Variants in ORC2 observed in about 807,000 individuals in gnomAD.
ORC2 encodes origin recognition complex subunit 2.
ORC2 carries 37 observed loss-of-function variants against 77.7 expected under a neutral mutation model. The observed-to-expected ratio is 0.48, with a 90% CI of 0.37 to 0.63. The LOEUF (loss-of-function observed/expected upper bound fraction) is 0.63. Among genes scored for constraint, ORC2 ranks in the 20% least tolerant of loss-of-function variants. The pLI, the probability that ORC2 is intolerant of heterozygous loss-of-function variation, is 0.00. For synonymous variants in ORC2, 201 were observed against 229.5 expected, an observed-to-expected ratio of 0.88 and a Z score of 1.12; for missense variants, 557 against 661.9, an observed-to-expected ratio of 0.84 and a Z score of 1.74.
chr2:200,957,343 C>T, intron 4 of ORC2, 58 bp downstream of exon 4: 1 of 1,360,680 alleles, frequency 7.3e-7, no homozygotes, highest in Middle Eastern at 1.9e-4. Flanking sequence ...TTTGTGTATC[C>T]TATAAAGCAA....
intron 15 of ORC2, among the ~76,000 whole-genome samples, chr2:200,917,701 C>A (rs576521232): frequency 6.6e-6 from 1 of 152,198 alleles, no homozygotes; most frequent in African/African-American, 2.4e-5. Flanking sequence ...TTTCTTGGTT[C>A]TGATACTGTA....
chr2:200,957,537 T>C lies in ORC2; in HGVS notation c.102A>G (p.Lys34=), dbSNP rs761919487. The change falls in exon 4 of 18, where the codon AAA becomes AAG. Residue 34 remains lysine, a synonymous_variant. Coordinates refer to ENST00000234296, the MANE Select transcript of ORC2 (RefSeq NM_006190.5). ...NHILDREGGA[K]LKKERAQLLV... The stretch of plus-strand genomic sequence containing the variant: ...AAAGCTGCGCTCGCTCCTTCTTCAA[T>C]TTAGCTCCTATAAGAACATCCAAAG... The C allele has an allele frequency of 2.1e-5, 34 of 1,601,038 alleles. No individual in the cohort carries two copies. The highest frequency in any genetic ancestry group is 2.7e-5 in the Non-Finnish European group (32 of 1,174,026).
In ORC2 at chr2:200,910,723, C is replaced by T. The variant is rs2124917915; in HGVS notation, c.*578G>A. 1 of 152,966 alleles carries T rather than the reference C, an allele frequency of 6.5e-6. No individual in the cohort carries two copies. The highest frequency in any genetic ancestry group is 1.5e-5 in the Non-Finnish European group (1 of 68,622). The allele number at this position is 152,966 out of a possible 1,614,324, so 9.5% of individuals were successfully genotyped here. A position where few individuals can be genotyped will look rare whatever the true frequency, so the allele number is the denominator to read the frequency against. ...ATTATAATATATTCCCTCCCCTGCC[C>T]CCACCAAGTACATAGCCTCAATCCA... On this transcript the variant is annotated 3_prime_UTR_variant, in exon 18 of 18. Transcript: ENST00000234296.
At chr2:200,914,466 C>G (rs17435752) in intron 15 of ORC2, among the ~76,000 whole-genome samples, 4,328 of 152,184 alleles carry the variant, frequency 0.028, 214 homozygotes, top group African/African-American at 0.099. Flanking sequence ...GTACCCGGCC[C>G]GCTTTTTTAT....
chr2:200,928,132 G>A (rs1367103937), intron 11 of ORC2, among the ~76,000 whole-genome samples: 1 of 152,026 alleles, frequency 6.6e-6, no homozygotes, highest in Middle Eastern at 3.2e-3. Flanking sequence ...GAGGCAGGTG[G>A]ATCACATGAG....
chr2:200,916,548 T>G (rs1345059449), intron 15 of ORC2, among the ~76,000 whole-genome samples: 1 of 152,120 alleles, frequency 6.6e-6, no homozygotes, highest in African/African-American at 2.4e-5. Flanking sequence ...TCACACTGCA[T>G]GGACCCTCAA....
At chr2:200,939,575 C>G (rs1263310234) in intron 7 of ORC2, among the ~76,000 whole-genome samples, 1 of 152,140 alleles carries the variant, frequency 6.6e-6, no homozygotes, top group Non-Finnish European at 1.5e-5. Context: ...GTCTACCAAT[C>G]CTAAAATATC....
chr2:200,926,788 G>T lies in ORC2; in HGVS notation c.1030C>A (p.Pro344Thr). ...SIHVVINGFF[P>T]GISVKSVLNS... is the part of the protein sequence containing the mutation. ...CTTACTGATTTCACACTGATTCCAG[G>T]AAAGAAGCCATTGATGACAACGTGA... Residue 344 changes from proline (P) to threonine (T), a missense_variant, in exon 12 of 18, where the codon CCT becomes ACT. Coordinates refer to ENST00000234296, the MANE Select transcript of ORC2 (RefSeq NM_006190.5). 1 of 1,613,932 alleles carries T rather than the reference G, an allele frequency of 6.2e-7. No homozygotes were observed. The highest frequency in any genetic ancestry group is 8.5e-7 in the Non-Finnish European group (1 of 1,179,922).
intron 13 of ORC2, among the ~76,000 whole-genome samples, chr2:200,923,191 A>G (rs954991577): frequency 1.3e-5 from 2 of 152,212 alleles, no homozygotes; most frequent in Admixed American, 1.3e-4. Context: ...ATACAGGGTT[A>G]GGTTCAATAT....
At chr2:200,911,419 C>A (rs1044711068) in intron 17 of ORC2, 32 bp from the exon 18 acceptor site, 2 of 1,210,348 alleles carry the variant, frequency 1.7e-6, no homozygotes, top group South Asian at 2.4e-5. Flanking sequence ...GTACGTTAGT[C>A]ATTCATAAGA....
chr2:200,926,640 A>T, intron 12 of ORC2, 128 bp downstream of exon 12: 1 of 788,656 alleles, frequency 1.3e-6, no homozygotes, highest in Non-Finnish European at 2.1e-6. Context: ...ACATGGTATT[A>T]AGCACTATAC....
rs758895461 is a variant in ORC2, at chr2:200,921,142, AAAAAG to A, written c.1148-8_1148-4del. ...AAGGAAGAGTTCTAAAGAAGAATCT[AAAAAG>A]AAAAGAAATCCAATTATTATTATTA... is the stretch of plus-strand genomic sequence containing the variant. On this transcript the variant is annotated splice_polypyrimidine_tract_variant and splice_region_variant and intron_variant, in intron 13 of 17. Coordinates refer to ENST00000234296, the MANE Select transcript of ORC2 (RefSeq NM_006190.5). 1.3e-6 allele frequency: 2 copies of A among 1,568,108 alleles called. No individual in the cohort carries two copies. Among genetic ancestry groups the A allele is most frequent in the South Asian group, 2.3e-5 (2 of 85,332 alleles).
At chr2:200,937,012 G>C (rs1452892072) in intron 8 of ORC2, among the ~76,000 whole-genome samples, 1 of 151,916 alleles carries the variant, frequency 6.6e-6, no homozygotes. Flanking sequence ...AAAAAAAAAG[G>C]CTTGATTTTG....
chr2:200,953,336 C>A (rs1335250443), intron 4 of ORC2, among the ~76,000 whole-genome samples: 2 of 150,068 alleles, frequency 1.3e-5, no homozygotes, highest in Admixed American at 6.6e-5. Context: ...CGAAGACTGA[C>A]CTCTGAGAAT....
chr2:200,945,533 C>T (rs1023901232), intron 5 of ORC2, among the ~76,000 whole-genome samples: 13 of 151,930 alleles, frequency 8.6e-5, no homozygotes, highest in African/African-American at 2.2e-4. Flanking sequence ...TTACACCACA[C>T]GTTCCAGCCG....
At chr2:200,952,742 T>C (rs1266990230) in intron 4 of ORC2, among the ~76,000 whole-genome samples, 2 of 151,818 alleles carry the variant, frequency 1.3e-5, no homozygotes, top group East Asian at 3.9e-4. Context: ...CATTAAGTTA[T>C]CAGTTTATTG....
chr2:200,927,218 G>A (rs139369129), intron 11 of ORC2, among the ~76,000 whole-genome samples: 22 of 151,776 alleles, frequency 1.4e-4, no homozygotes, highest in Non-Finnish European at 2.6e-4. Flanking sequence ...CAAGAAGCTG[G>A]GGCTACAGCT....
chr2:200,931,225 A>G, intron 11 of ORC2, 114 bp downstream of exon 11: 1 of 459,424 alleles, frequency 2.2e-6, no homozygotes, highest in East Asian at 3.7e-5. Context: ...ATTTTTATAT[A>G]TGACTAAATA....
At chr2:200,948,962 G>T (rs115908738) in intron 5 of ORC2, among the ~76,000 whole-genome samples, 52 of 152,038 alleles carry the variant, frequency 3.4e-4, no homozygotes, top group Admixed American at 2.7e-3. Context: ...GCTATGGCCG[G>T]GCATGGTGAC....
Sources: allele counts gnomAD v4.1 joint callset (sites outside exome capture counted in the v4.1 genomes callset), GRCh38; gene constraint gnomAD v4.1.1; transcripts MANE v1.5; gene names NCBI Gene and HGNC (gene_info 2026-07-23, HGNC 2026-07-21).